MKLN1: variants seen among roughly 807,000 people sequenced by gnomAD.
The protein encoded by MKLN1 is muskelin.
In MKLN1, 18 loss-of-function variants were observed where a neutral mutation model predicts 99.0. The observed-to-expected ratio is 0.18, with a 90% CI of 0.13 to 0.27. The LOEUF (loss-of-function observed/expected upper bound fraction) is 0.27, where lower values mean the gene tolerates loss of function less well. Ranked by LOEUF, MKLN1 falls within the 10% of genes least tolerant of loss-of-function variation. The pLI, the probability that MKLN1 is intolerant of heterozygous loss-of-function variation, is 1.00. For missense variants in MKLN1, 621 were observed against 875.9 expected (o/e 0.71, Z 3.67); for synonymous variants, 288 against 293.2 (o/e 0.98, Z 0.18).
chr7:131,211,535 T>C (rs1239698488), intron 3 of MKLN1, among the ~76,000 whole-genome samples: 1 of 152,172 alleles, frequency 6.6e-6, no homozygotes, highest in Non-Finnish European at 1.5e-5. Context: ...TTTACCATGA[T>C]GCTTGGGGTT....
rs941849560 is a variant in MKLN1, at chr7:131,355,865, G to A, written c.99-19559G>A. 1.7e-4 allele frequency among the ~76,000 whole-genome samples: 26 copies of A among 151,388 alleles called. 1 individual carries two copies. The highest frequency in any genetic ancestry group is 5.1e-4 in the African/African-American group (21 of 41,284). On this transcript the variant is annotated intron_variant, in intron 1 of 17. Transcript: ENST00000352689. ...TAACTAAATTCTTCTATTCTAAATAGTATTTTTCCCATTGATTCTTTTGGC... is the reference window on the plus strand; with the variant it reads ...TAACTAAATTCTTCTATTCTAAATAATATTTTTCCCATTGATTCTTTTGGC...
intron 1 of MKLN1, among the ~76,000 whole-genome samples, chr7:131,354,151 A>G (rs1040721753): frequency 6.6e-6 from 1 of 152,072 alleles, no homozygotes; most frequent in South Asian, 2.1e-4. Context: ...AAACTTGTCT[A>G]TGTCTAAAAG....
chr7:131,260,656 T>C (rs114037266), intron 3 of MKLN1, among the ~76,000 whole-genome samples: 2,789 of 152,178 alleles, frequency 0.018, 93 homozygotes, highest in African/African-American at 0.063. Flanking sequence ...GGCAATCCTA[T>C]GCAAAAAGAA....
intron 3 of MKLN1, among the ~76,000 whole-genome samples, chr7:131,260,869 A>G (rs984773271): frequency 3.3e-5 from 5 of 151,046 alleles, no homozygotes; most frequent in African/African-American, 1.2e-4. Flanking sequence ...TGTTTGACAA[A>G]GTCAACAAAA....
At chr7:131,243,310 TACAGTATGTCGGGAG>T (rs1797434837) in intron 3 of MKLN1, among the ~76,000 whole-genome samples, 1 of 152,164 alleles carries the variant, frequency 6.6e-6, no homozygotes, top group Non-Finnish European at 1.5e-5. Flanking sequence ...GGGGCCTAGA[TACAGTATGTCGGGAG>T]ACAATCATGT....
chr7:131,411,935 A>AAAAAAAAAAAAAAAAAAAC (rs1794892715), intron 7 of MKLN1, among the ~76,000 whole-genome samples: 1 of 144,612 alleles, frequency 6.9e-6, no homozygotes, highest in Non-Finnish European at 1.5e-5. Flanking sequence ...AAAAAAAAAA[A>AAAAAAAAAAAAAAAAAAAC]AATTAGCCAG....
chr7:131,324,052 G>T (rs1267980602), upstream of MKLN1, among the ~76,000 whole-genome samples: 2 of 152,104 alleles, frequency 1.3e-5, no homozygotes, highest in Non-Finnish European at 1.5e-5. Context: ...GTGAGACAGA[G>T]GTGAAAAAAA....
At chr7:131,324,623 C>T (rs1196373865), upstream of MKLN1, among the ~76,000 whole-genome samples, 7 of 152,152 alleles carry the variant, frequency 4.6e-5, no homozygotes, top group African/African-American at 1.2e-4. Context: ...TAAAATAAAT[C>T]AAGCTACTGA....
At chr7:131,366,412 T>G (rs930566852) in intron 1 of MKLN1, among the ~76,000 whole-genome samples, 1 of 152,172 alleles carries the variant, frequency 6.6e-6, no homozygotes, top group Non-Finnish European at 1.5e-5. Flanking sequence ...AATTTAAAGT[T>G]GGCGGGGCTT....
chr7:131,435,352 T>C lies in MKLN1; in HGVS notation c.961-2433T>C, dbSNP rs541492413. Among the ~76,000 whole-genome samples the C allele has an allele frequency of 4.6e-5, 7 of 152,330 alleles. No homozygotes were observed. In the East Asian group the frequency reaches 7.7e-4, roughly 17 times the overall value. On this transcript the variant is annotated intron_variant, in intron 9 of 17. Coordinates refer to ENST00000352689, the MANE Select transcript of MKLN1 (RefSeq NM_013255.5). ...CACCTCTTCCCCATTTCTTCCTCCT[T>C]CTTCCCCTTCTCTTCCTTCTCCTTT...
chr7:131,221,502 C>CTTTT (rs71174930), intron 3 of MKLN1, among the ~76,000 whole-genome samples: 6 of 123,988 alleles, frequency 4.8e-5, no homozygotes, highest in African/African-American at 1.5e-4. Context: ...GATCATGCCA[C>CTTTT]TTTTTTTTTT....
intron 1 of MKLN1, among the ~76,000 whole-genome samples, chr7:131,339,121 T>C (rs1321161855): frequency 6.6e-6 from 1 of 152,242 alleles, no homozygotes; most frequent in Non-Finnish European, 1.5e-5. Context: ...ATAAGGCTTC[T>C]AGTCAACAGT....
chr7:131,328,332 A>C, intron 1 of MKLN1: 1 of 266,876 alleles, frequency 3.7e-6, no homozygotes, highest in African/African-American at 2.2e-5. Context: ...TGGGGCAGGA[A>C]TCGGAGTTGG....
chr7:131,268,326 T>C (rs532026105), intron 3 of MKLN1, among the ~76,000 whole-genome samples: 1 of 152,342 alleles, frequency 6.6e-6, no homozygotes, highest in Admixed American at 6.5e-5. Flanking sequence ...TTTACTCTAG[T>C]CTTTCTTTCT....
intron 3 of MKLN1, among the ~76,000 whole-genome samples, chr7:131,286,013 T>C (rs1798126467): frequency 6.6e-6 from 1 of 151,326 alleles, no homozygotes; most frequent in South Asian, 2.1e-4. Context: ...TGGAGTGCAG[T>C]GGCGCCGTCT....
intron 3 of MKLN1, among the ~76,000 whole-genome samples, chr7:131,297,238 G>A (rs1035004141): frequency 1.8e-4 from 27 of 152,060 alleles, no homozygotes; most frequent in African/African-American, 6.5e-4. Flanking sequence ...GCGTGCGCCT[G>A]TAGTTCCCGC....
At chr7:131,414,829 A>G in intron 8 of MKLN1, 119 bp downstream of exon 8, 1 of 448,558 alleles carries the variant, frequency 2.2e-6, no homozygotes, top group Admixed American at 3.3e-5. Context: ...ATGAAATTAG[A>G]TTACCTAAAA....
chr7:131,293,233 A>C (rs1283272565), intron 3 of MKLN1, among the ~76,000 whole-genome samples: 1 of 152,204 alleles, frequency 6.6e-6, no homozygotes, highest in African/African-American at 2.4e-5. Flanking sequence ...ATCATCCCAG[A>C]CTGACCAGCT....
At chr7:131,188,668 G>C (rs1436830890) in intron 2 of MKLN1, among the ~76,000 whole-genome samples, 1 of 152,218 alleles carries the variant, frequency 6.6e-6, no homozygotes, top group Admixed American at 6.5e-5. Flanking sequence ...CCAGACTCAA[G>C]GAATGTAGAA....
Sources: gnomAD v4.1 joint callset for allele counts (sites outside exome capture counted in the v4.1 genomes callset) on GRCh38, gnomAD v4.1.1 for gene constraint, MANE v1.5 for transcripts, NCBI Gene and HGNC (gene_info 2026-07-23, HGNC 2026-07-21) for gene names.